KLF17: variants seen among roughly 807,000 people sequenced by gnomAD.
The protein encoded by KLF17 is KLF transcription factor 17.
In KLF17, 31 loss-of-function variants were observed where a neutral mutation model predicts 34.2. The observed-to-expected ratio is 0.91, with a 90% CI of 0.68 to 1.22. KLF17 has a LOEUF of 1.22. Among genes scored for constraint, KLF17 ranks in the 50% most tolerant of loss-of-function variants. KLF17 has a pLI of 0.00. For missense variants in KLF17, 478 were observed against 505.2 expected, an observed-to-expected ratio of 0.95 and a Z score of 0.52; for synonymous variants, 179 against 186.7, an observed-to-expected ratio of 0.96 and a Z score of 0.34.
chr1:44,103,791 GC>G, the KLF17 span: 1 of 923,148 alleles, frequency 1.1e-6, no homozygotes. Flanking sequence ...CTCCAGGGAA[GC>G]CCTCTGGCCT....
the KLF17 span, among the ~76,000 whole-genome samples, chr1:44,087,438 A>T: frequency 9.9e-5 from 15 of 151,284 alleles, no homozygotes; most frequent in East Asian, 3.9e-4. Context: ...ACAAAAAAAA[A>T]TTTTTTTTAA....
At chr1:44,098,896 A>ATTT in the KLF17 span, among the ~76,000 whole-genome samples, 905 of 136,192 alleles carry the variant, frequency 6.6e-3, 11 homozygotes, top group African/African-American at 0.018. Flanking sequence ...ACTCACTTTA[A>ATTT]TTTTTTTTTT....
intron 1 of KLF17, among the ~76,000 whole-genome samples, chr1:44,122,723 G>A (rs1479206490): frequency 2.6e-5 from 4 of 151,844 alleles, no homozygotes; most frequent in African/African-American, 7.3e-5. Context: ...TCAGCCTCCC[G>A]AGTAGCTGGG....
chr1:44,108,644 A>G, the KLF17 span, among the ~76,000 whole-genome samples: 1 of 140,368 alleles, frequency 7.1e-6, no homozygotes, highest in Non-Finnish European at 1.5e-5. Flanking sequence ...ATGACAGAGA[A>G]TCTCGTTTGT....
chr1:44,086,496 TAA>T, the KLF17 span, among the ~76,000 whole-genome samples: 1 of 148,396 alleles, frequency 6.7e-6, no homozygotes, highest in Admixed American at 6.7e-5. Flanking sequence ...AATAAATAAA[TAA>T]ATAAATAAAA....
At chr1:44,103,277 G>A in the KLF17 span, 2 of 704,558 alleles carry the variant, frequency 2.8e-6, no homozygotes, top group Admixed American at 1.9e-5. Context: ...CCGCAGGAGG[G>A]GCAGGCTGGG....
chr1:44,096,590 G>A, the KLF17 span, among the ~76,000 whole-genome samples: 2 of 151,658 alleles, frequency 1.3e-5, no homozygotes, highest in African/African-American at 2.4e-5. Context: ...TAGTGGAGAC[G>A]AGGTTTACAC....
At chr1:44,122,463 A>G (rs918282097) in intron 1 of KLF17, 36 of 1,205,148 alleles carry the variant, frequency 3.0e-5, no homozygotes, top group Non-Finnish European at 4.5e-5. Flanking sequence ...CTTCAATGCA[A>G]TGGTTACAGT....
At chr1:44,098,202 G>C in the KLF17 span, among the ~76,000 whole-genome samples, 1 of 152,164 alleles carries the variant, frequency 6.6e-6, no homozygotes, top group East Asian at 1.9e-4. Flanking sequence ...TAGGTTGTAT[G>C]TTTCTAAAAT....
At chr1:44,095,531 T>A in the KLF17 span, among the ~76,000 whole-genome samples, 5 of 152,320 alleles carry the variant, frequency 3.3e-5, no homozygotes, top group South Asian at 8.3e-4. Flanking sequence ...ATCTTTTTTT[T>A]AATCCCTCAA....
chr1:44,103,720 G>A, the KLF17 span: 53 of 1,505,794 alleles, frequency 3.5e-5, 1 homozygote, highest in South Asian at 5.5e-4. Flanking sequence ...AGCTCGGACA[G>A]CTTGGCGTTG....
At chr1:44,125,082 A>C (rs2087992481) in intron 1 of KLF17, among the ~76,000 whole-genome samples, 2 of 152,212 alleles carry the variant, frequency 1.3e-5, no homozygotes, top group Non-Finnish European at 1.5e-5. Context: ...AATAATACTC[A>C]CTTTTACAAT....
the KLF17 span, among the ~76,000 whole-genome samples, chr1:44,087,745 TATATATATATATATATATATATATACAC>T: frequency 6.1e-4 from 26 of 42,874 alleles, no homozygotes; most frequent in African/African-American, 1.9e-3. Context: ...TATATATATA[TATATATATATATATATATATATATACAC>T]ACACACACAC....
the KLF17 span, chr1:44,044,076 G>A: frequency 7.8e-3 from 1,190 of 153,336 alleles, 13 homozygotes; most frequent in South Asian, 0.033. Context: ...TTCTGCTTTT[G>A]TGGGTTTCTC....
the KLF17 span, chr1:44,045,001 C>G: frequency 6.6e-6 from 1 of 152,126 alleles, no homozygotes; most frequent in Non-Finnish European, 1.5e-5. Flanking sequence ...AGCAGTGTTT[C>G]CCTGTTTCGG....
chr1:44,091,482 C>G, the KLF17 span, among the ~76,000 whole-genome samples: 6 of 151,680 alleles, frequency 4.0e-5, no homozygotes, highest in East Asian at 1.2e-3. Context: ...CTGGTGAGAC[C>G]CTGTTTCTAC....
At chr1:44,054,764 A>G in the KLF17 span, among the ~76,000 whole-genome samples, 1 of 140,068 alleles carries the variant, frequency 7.1e-6, no homozygotes, top group Admixed American at 7.5e-5. Context: ...TACAAGCGTG[A>G]GCCACCGTGC....
chr1:44,110,356 C>T, the KLF17 span: 4 of 152,266 alleles, frequency 2.6e-5, no homozygotes, highest in Middle Eastern at 6.8e-3. Context: ...TAGAAATTAT[C>T]CAGATACCCA....
At chr1:44,120,369 G>A (rs1336998613) in intron 1 of KLF17, among the ~76,000 whole-genome samples, 2 of 152,228 alleles carry the variant, frequency 1.3e-5, no homozygotes, top group Non-Finnish European at 2.9e-5. Context: ...AGAGAGAGCA[G>A]GGAAAGGGAA....
Sources: allele counts gnomAD v4.1 joint callset (sites outside exome capture counted in the v4.1 genomes callset), GRCh38; gene constraint gnomAD v4.1.1; transcripts MANE v1.5; gene names NCBI Gene and HGNC (gene_info 2026-07-23, HGNC 2026-07-21).